EPB41L4A: variants seen among roughly 807,000 people sequenced by gnomAD.
EPB41L4A encodes the protein band 4.1-like protein 4A.
A neutral mutation model predicts 108.6 loss-of-function variants in EPB41L4A; 100 were observed. That is an observed-to-expected ratio of 0.92 (90% CI 0.78 to 1.09). EPB41L4A has a LOEUF of 1.09. Among genes scored for constraint, EPB41L4A ranks in the 50% least tolerant of loss-of-function variants. EPB41L4A has a pLI of 0.00. For missense variants in EPB41L4A, 1,030 were observed against 842.7 expected (o/e 1.22, Z -2.75); for synonymous variants, 319 against 289.0 (o/e 1.10, Z -1.05).
At chr5:112,161,183 A>G (rs973406810), downstream of EPB41L4A, 1 of 247,276 alleles carries the variant, frequency 4.0e-6, no homozygotes, top group African/African-American at 2.3e-5. Flanking sequence ...GCCTTACCGT[A>G]TAACTGACTT....
intron 1 of EPB41L4A, among the ~76,000 whole-genome samples, chr5:112,405,474 G>A (rs1303896239): frequency 6.6e-6 from 1 of 152,154 alleles, no homozygotes; most frequent in Non-Finnish European, 1.5e-5. Flanking sequence ...GATAATGCAG[G>A]AGCAAAATTT....
intron 1 of EPB41L4A, among the ~76,000 whole-genome samples, chr5:112,309,770 G>A (rs115683729): frequency 6.6e-6 from 1 of 152,196 alleles, no homozygotes; most frequent in Non-Finnish European, 1.5e-5. Context: ...TTCTCCAGCA[G>A]AAGGGAAAAG....
At chr5:112,219,148 G>C (rs767924978) in intron 12 of EPB41L4A, among the ~76,000 whole-genome samples, 4 of 152,086 alleles carry the variant, frequency 2.6e-5, no homozygotes, top group Non-Finnish European at 4.4e-5. Flanking sequence ...AGTTGATATG[G>C]TTTGGCTGTG....
In EPB41L4A at chr5:112,169,028, G is replaced by A. The variant is rs1760418253; in HGVS notation, c.1817C>T (p.Ser606Leu). 2.5e-6 allele frequency: 4 copies of A among 1,613,996 alleles called. No homozygotes were observed. The highest frequency in any genetic ancestry group is 3.4e-6 in the Non-Finnish European group (4 of 1,179,892). The change falls in exon 21 of 23, where the codon TCA becomes TTA. Residue 606 changes from serine (S) to leucine (L), a missense_variant. Transcript: ENST00000261486. The stretch of plus-strand genomic sequence containing the variant: ...CGAGAGAACTGATCGCTCCCCATCT[G>A]AACACTGGGACCTGCGATACTGGCG... ...SYRQYRRSQC[S>L]DGERSVLSEV...
intron 1 of EPB41L4A, among the ~76,000 whole-genome samples, chr5:112,375,150 G>A (rs1236953525): frequency 6.6e-6 from 1 of 152,110 alleles, no homozygotes; most frequent in Admixed American, 6.6e-5. Context: ...ACAGAGTTGA[G>A]ACTTACTTGC....
chr5:112,324,440 G>A (rs1409195758), intron 1 of EPB41L4A, among the ~76,000 whole-genome samples: 1 of 151,988 alleles, frequency 6.6e-6, no homozygotes, highest in South Asian at 2.1e-4. Flanking sequence ...GTAAAACCCT[G>A]TCTCTACTAA....
At chr5:112,321,073 C>A (rs941321675) in intron 1 of EPB41L4A, among the ~76,000 whole-genome samples, 2 of 151,994 alleles carry the variant, frequency 1.3e-5, no homozygotes, top group Non-Finnish European at 2.9e-5. Context: ...GGTCAGATGA[C>A]AGTATGTAGG....
At chr5:112,324,948 G>T (rs1210078147) in intron 1 of EPB41L4A, among the ~76,000 whole-genome samples, 1 of 152,074 alleles carries the variant, frequency 6.6e-6, no homozygotes, top group African/African-American at 2.4e-5. Context: ...GAAAAGTAAT[G>T]AAACAGTAGC....
chr5:112,336,799 T>C (rs532557689), intron 1 of EPB41L4A, among the ~76,000 whole-genome samples: 14 of 152,336 alleles, frequency 9.2e-5, no homozygotes, highest in South Asian at 6.2e-4. Flanking sequence ...GCTTTCAGAA[T>C]TGACAAATGT....
At chr5:112,415,624 G>A (rs190769230) in intron 1 of EPB41L4A, among the ~76,000 whole-genome samples, 154 of 152,210 alleles carry the variant, frequency 1.0e-3, no homozygotes, top group Admixed American at 2.7e-3. Context: ...AGAACAAAAA[G>A]AAAGTTATCT....
At chr5:112,191,829 G>A (rs760594444) in intron 17 of EPB41L4A, among the ~76,000 whole-genome samples, 18 of 152,126 alleles carry the variant, frequency 1.2e-4, no homozygotes, top group Non-Finnish European at 2.2e-4. Flanking sequence ...AAATTTGCCC[G>A]GTAGTTGTCC....
At chr5:112,298,737 T>G (rs907879720) in intron 2 of EPB41L4A, among the ~76,000 whole-genome samples, 4 of 152,214 alleles carry the variant, frequency 2.6e-5, no homozygotes, top group African/African-American at 9.6e-5. Context: ...AATTCTTCTT[T>G]GAATGTCTGG....
upstream of EPB41L4A, chr5:112,419,685 G>T (rs1171680062): frequency 2.2e-6 from 1 of 456,648 alleles, no homozygotes; most frequent in South Asian, 1.5e-5. Context: ...TCGTCGCTCC[G>T]TCCGCTACCC....
At chr5:112,254,656 C>T (rs1479813662) in intron 9 of EPB41L4A, among the ~76,000 whole-genome samples, 2 of 152,150 alleles carry the variant, frequency 1.3e-5, no homozygotes, top group African/African-American at 4.8e-5. Flanking sequence ...TTCTACCCCA[C>T]ATCTCCAGAG....
chr5:112,205,492 T>C lies in EPB41L4A; in HGVS notation c.1191A>G (p.Ala397=). The change falls in exon 14 of 23, where the codon GCA becomes GCG. Residue 397 remains alanine (A), a synonymous_variant. Transcript: ENST00000261486. ...APSPVKSFKK[A]KNENSPDTQR... ...GGGTATCAGGGCTATTTTCATTCTT[T>C]GCTTTCTTAAAGCTTTAATTTTAAA... is the stretch of plus-strand genomic sequence containing the variant. 3.7e-6 allele frequency: 6 copies of C among 1,609,842 alleles called. No individual in the cohort carries two copies. The highest frequency in any genetic ancestry group is 5.1e-6 in the Non-Finnish European group (6 of 1,178,648).
chr5:112,375,755 C>CT (rs1432229989), intron 1 of EPB41L4A, among the ~76,000 whole-genome samples: 1 of 152,120 alleles, frequency 6.6e-6, no homozygotes, highest in Non-Finnish European at 1.5e-5. Flanking sequence ...CTCATGGACC[C>CT]TAATTACACT....
At chr5:112,172,727 C>A (rs1247328366) in intron 18 of EPB41L4A, among the ~76,000 whole-genome samples, 1 of 152,130 alleles carries the variant, frequency 6.6e-6, no homozygotes, top group Non-Finnish European at 1.5e-5. Context: ...TGTGACTATA[C>A]CCCAGGATCT....
intron 18 of EPB41L4A, among the ~76,000 whole-genome samples, chr5:112,172,511 C>CAAA (rs144426305): frequency 0.02 from 1,945 of 99,508 alleles, 49 homozygotes; most frequent in African/African-American, 0.062. Flanking sequence ...GACCCTGTGC[C>CAAA]AAAAAAAAAA....
chr5:112,263,971 C>T (rs1299541261), intron 6 of EPB41L4A: 1 of 152,154 alleles, frequency 6.6e-6, no homozygotes, highest in Non-Finnish European at 1.5e-5. Flanking sequence ...TGCCACCACG[C>T]CCGGCTAATT....
Sources: gnomAD v4.1 joint callset for allele counts (sites outside exome capture counted in the v4.1 genomes callset) on GRCh38, gnomAD v4.1.1 for gene constraint, MANE v1.5 for transcripts, NCBI Gene and HGNC (gene_info 2026-07-23, HGNC 2026-07-21) for gene names.